The following SIK3 variants were observed in gnomAD, a reference collection of about 807,000 sequenced individuals.
SIK3 encodes the protein serine/threonine-protein kinase SIK3.
A neutral mutation model predicts 144.2 loss-of-function variants in SIK3; 28 were observed. That is an observed-to-expected ratio of 0.19 (90% CI 0.14 to 0.27). SIK3 has a LOEUF of 0.27. Among genes scored for constraint, SIK3 ranks in the 10% least tolerant of loss-of-function variants. The probability of loss-of-function intolerance (pLI) is 1.00; values close to 1 mark genes in which losing one functional copy is unlikely to be tolerated. For synonymous variants in SIK3, 686 were observed against 676.3 expected (o/e 1.01, Z -0.22); for missense variants, 1,319 against 1,776.0 (o/e 0.74, Z 4.62).
At chr11:116,950,560 AC>A (rs1336165307) in intron 3 of SIK3, among the ~76,000 whole-genome samples, 2 of 152,188 alleles carry the variant, frequency 1.3e-5, no homozygotes, top group African/African-American at 4.8e-5. Flanking sequence ...GCCCGAAGTA[AC>A]CTGATGTTAA....
At chr11:116,998,932 T>C (rs1028248971) in intron 1 of SIK3, among the ~76,000 whole-genome samples, 1 of 152,198 alleles carries the variant, frequency 6.6e-6, no homozygotes, top group Non-Finnish European at 1.5e-5. Flanking sequence ...TAAAAGTGTA[T>C]AGTTAGACAA....
chr11:116,914,612 C>T (rs146316948), intron 4 of SIK3, among the ~76,000 whole-genome samples: 94 of 152,284 alleles, frequency 6.2e-4, no homozygotes, highest in African/African-American at 2.2e-3. Context: ...GGGAGATACA[C>T]ATGAAACAAG....
intron 1 of SIK3, among the ~76,000 whole-genome samples, chr11:117,071,171 T>G (rs1954260496): frequency 6.8e-6 from 1 of 146,866 alleles, no homozygotes; most frequent in South Asian, 2.2e-4. Context: ...AATCAAAACC[T>G]TTGGGCTCAG....
chr11:117,074,507 T>C (rs1442963971), intron 1 of SIK3, among the ~76,000 whole-genome samples: 1 of 152,212 alleles, frequency 6.6e-6, no homozygotes, highest in African/African-American at 2.4e-5. Flanking sequence ...ATGAACATGT[T>C]CTATAGATGT....
In SIK3 at chr11:116,941,196, C is replaced by T. The variant is rs566783269; in HGVS notation, c.454+12848G>A. 5.9e-5 allele frequency among the ~76,000 whole-genome samples: 9 copies of T among 152,120 alleles called. No homozygotes were observed. The South Asian group carries it at 6.2e-4, about 11-fold the overall frequency. ...TAATTTTTTGTATTTTCGGTAGAGA[C>T]GGGCTTTCACCATGTTAGCCAGGAT... On this transcript the variant is annotated intron_variant, in intron 3 of 24. Coordinates refer to ENST00000445177, the MANE Select transcript of SIK3 (RefSeq NM_001366686.3).
rs922760717 is a variant in SIK3, at chr11:116,857,991, G to A, written c.3474C>T (p.Asp1158=). 3 of 1,614,088 alleles carry A rather than the reference G, an allele frequency of 1.9e-6. No individual in the cohort carries two copies. The highest frequency in any genetic ancestry group is 1.3e-5 in the African/African-American group (1 of 74,936). The change falls in exon 21 of 25, where the codon GAC becomes GAT. Residue 1158 remains aspartate, a synonymous_variant. Coordinates refer to ENST00000445177, the MANE Select transcript of SIK3 (RefSeq NM_001366686.3). ...SCEGAKDGFQ[D]SKSSSTLTKG... is the part of the protein sequence containing the mutation. ...TGGTCAATGTACTTGAACTCTTACT[G>A]TCTTGGAAGCCATCCTTGGCCCCCT...
At chr11:117,096,480 A>G (rs971996744) in intron 1 of SIK3, among the ~76,000 whole-genome samples, 8 of 152,216 alleles carry the variant, frequency 5.3e-5, no homozygotes, top group Non-Finnish European at 8.8e-5. Context: ...CTAGACTGGA[A>G]ACACGGTGAG....
At chr11:116,860,750 T>TCATCA in intron 19 of SIK3, among the ~76,000 whole-genome samples, 1 of 140,470 alleles carries the variant, frequency 7.1e-6, no homozygotes, top group South Asian at 2.2e-4. Flanking sequence ...TACCCACATC[T>TCATCA]TGAAGTGTAG....
rs765844729 is a variant in SIK3, at chr11:116,846,588, G to A, written c.3953-35C>T. The A allele has an allele frequency of 9.3e-6, 15 of 1,612,780 alleles. No homozygotes were observed. The highest frequency in any genetic ancestry group is 1.2e-5 in the Non-Finnish European group (14 of 1,179,264). On this transcript the variant is annotated intron_variant, in intron 23 of 24. Coordinates refer to ENST00000445177, the MANE Select transcript of SIK3 (RefSeq NM_001366686.3). The surrounding 1 kb of genome is among the most constrained non-coding windows in gnomAD (Gnocchi z 4.1). Reference sequence around the variant, plus strand: ...CAAAAAGAACGTATGAGGTTGGCAGGGAACTGGGGGACTAGGAGAGCAAGG... The same window carrying A: ...CAAAAAGAACGTATGAGGTTGGCAGAGAACTGGGGGACTAGGAGAGCAAGG...
chr11:117,092,762 T>C (rs1955303377), intron 1 of SIK3, among the ~76,000 whole-genome samples: 1 of 152,180 alleles, frequency 6.6e-6, no homozygotes, highest in Non-Finnish European at 1.5e-5. Flanking sequence ...AGAAAGCATT[T>C]CTTTTTCTTT....
intron 1 of SIK3, among the ~76,000 whole-genome samples, chr11:117,023,616 AAAAAAATATATAT>A (rs1951878511): frequency 1.7e-5 from 2 of 115,674 alleles, no homozygotes. Flanking sequence ...AAACAAAAAA[AAAAAAATATATAT>A]ATATATATAT....
intron 1 of SIK3, among the ~76,000 whole-genome samples, chr11:116,993,567 T>C (rs1038717490): frequency 4.6e-5 from 7 of 152,138 alleles, no homozygotes; most frequent in Admixed American, 2.6e-4. Flanking sequence ...CTAAAAAGTA[T>C]AGAGGAGCAG....
chr11:116,885,634 GC>G (rs1447792816), intron 6 of SIK3, among the ~76,000 whole-genome samples: 1 of 152,134 alleles, frequency 6.6e-6, no homozygotes, highest in African/African-American at 2.4e-5. Context: ...CAGAGTTCCT[GC>G]TACTCGTTTT....
At chr11:116,967,058 C>T (rs1949582624) in intron 1 of SIK3, among the ~76,000 whole-genome samples, 1 of 150,944 alleles carries the variant, frequency 6.6e-6, no homozygotes, top group Admixed American at 6.6e-5. Context: ...AACTTTAGTC[C>T]CAGGACAGAA....
At chr11:117,023,810 G>A (rs1039455289) in intron 1 of SIK3, among the ~76,000 whole-genome samples, 1 of 151,400 alleles carries the variant, frequency 6.6e-6, no homozygotes. Flanking sequence ...TCAAGTAGCT[G>A]GGATTACAGA....
intron 1 of SIK3, among the ~76,000 whole-genome samples, chr11:117,093,810 TTA>T (rs1304189482): frequency 6.6e-6 from 1 of 152,156 alleles, no homozygotes; most frequent in Non-Finnish European, 1.5e-5. Context: ...AACTTTTTTT[TTA>T]CCAGGAAAGT....
chr11:117,095,747 C>T (rs1955447478), intron 1 of SIK3, among the ~76,000 whole-genome samples: 1 of 152,216 alleles, frequency 6.6e-6, no homozygotes, highest in Non-Finnish European at 1.5e-5. Context: ...TTAAGCTTCA[C>T]TCATGTAGTC....
At chr11:116,851,079 G>A (rs1942392235) in intron 21 of SIK3, among the ~76,000 whole-genome samples, 1 of 152,200 alleles carries the variant, frequency 6.6e-6, no homozygotes, top group Non-Finnish European at 1.5e-5. Context: ...CCATTCTATG[G>A]ACTAGAATTG....
chr11:116,880,197 AAT>A (rs1397811363), intron 6 of SIK3, among the ~76,000 whole-genome samples: 1 of 152,174 alleles, frequency 6.6e-6, no homozygotes, highest in Non-Finnish European at 1.5e-5. Flanking sequence ...ACAGTACCAT[AAT>A]AATTCCTAAT....
Sources: allele counts gnomAD v4.1 joint callset (sites outside exome capture counted in the v4.1 genomes callset), GRCh38; gene constraint gnomAD v4.1.1; non-coding constraint Gnocchi (gnomAD v3.1); transcripts MANE v1.5; gene names NCBI Gene and HGNC (gene_info 2026-07-23, HGNC 2026-07-21).